The following DYNC1H1 variants were observed in gnomAD, a reference collection of about 807,000 sequenced individuals.
DYNC1H1 encodes cytoplasmic dynein 1 heavy chain 1.
In DYNC1H1, 51 loss-of-function variants were observed where a neutral mutation model predicts 527.1. The observed-to-expected ratio is 0.10, with a 90% CI of 0.08 to 0.12. The LOEUF is 0.12. DYNC1H1 is among the 10% of genes least tolerant of loss of function. The probability of loss-of-function intolerance (pLI) is 1.00; values close to 1 mark genes in which losing one functional copy is unlikely to be tolerated. For missense variants in DYNC1H1, 2,771 were observed against 5,971.8 expected, an observed-to-expected ratio of 0.46 and a Z score of 17.66; for synonymous variants, 2,189 against 2,278.8, an observed-to-expected ratio of 0.96 and a Z score of 1.12.
intron 76 of DYNC1H1, 39 bp from the exon 77 acceptor site, chr14:102,050,032 G>A (rs374484501): frequency 3.1e-6 from 5 of 1,614,218 alleles, no homozygotes; most frequent in South Asian, 1.1e-5. Context: ...TGTAGCTGTT[G>A]TGTTCACCTC....
rs1595597922 is a variant in DYNC1H1, at chr14:101,980,437, G to A, written c.848G>A (p.Arg283His). Residue 283 changes from arginine to histidine, a missense_variant, in exon 5 of 78, where the codon CGT (arginine) becomes CAT (histidine). Arg to His is a conservative substitution (Grantham distance 29). Around this residue, in one of 32 missense-constraint regions of DYNC1H1, gnomAD observed 146 missense variants for 288.1 expected, o/e 0.51. Coordinates refer to ENST00000360184, the MANE Select transcript of DYNC1H1 (RefSeq NM_001376.5). ...QEISFWLNLERALYRIQEKRE... is the reference protein window; with the variant it reads ...QEISFWLNLEHALYRIQEKRE... The stretch of plus-strand genomic sequence containing the variant: ...ATTAGTTTTTGGCTAAACTTGGAAC[G>A]TGCGTTATACCGCATCCAGGAGAAA... The A allele has an allele frequency of 1.9e-6, 3 of 1,614,204 alleles. No homozygotes were observed. Among genetic ancestry groups the A allele is most frequent in the Non-Finnish European group, 2.5e-6 (3 of 1,180,048 alleles).
rs982106276 is a variant in DYNC1H1 at position 101,983,319 on chromosome 14, C to A, written c.1233+29C>A. ...AGTTTGAATATATAAGACAACCAAC[C>A]TCAAGACATTGAGATGAAAATATGT... On this transcript the variant is annotated intron_variant, in intron 6 of 77. Coordinates refer to ENST00000360184, the MANE Select transcript of DYNC1H1 (RefSeq NM_001376.5). The surrounding 1 kb of genome is among the most constrained non-coding windows in gnomAD (Gnocchi z 5.3). 9 of 1,613,998 alleles carry A rather than the reference C, an allele frequency of 5.6e-6. No homozygotes were observed. The African/African-American group carries it at 9.3e-5, about 17-fold the overall frequency.
chr14:102,047,640 T>TAC (rs2048741791), intron 72 of DYNC1H1, 177 bp from the exon 73 acceptor site: 2 of 339,290 alleles, frequency 5.9e-6, no homozygotes, highest in Admixed American at 8.7e-5. Context: ...TGTGTGTGTG[T>TAC]GTATATATAT....
Position 101,975,701 on chromosome 14 carries a change from A to T in DYNC1H1, c.257-11A>T. On this transcript the variant is annotated splice_polypyrimidine_tract_variant and intron_variant, in intron 1 of 77. Coordinates refer to ENST00000360184, the MANE Select transcript of DYNC1H1 (RefSeq NM_001376.5). ...TTGATATTAATTTGATATATTTATT[A>T]TGATTTGTAGAGGACGTCGGTGATG... 1 of 1,605,956 alleles carries T rather than the reference A, an allele frequency of 6.2e-7. No individual in the cohort carries two copies. The highest frequency in any genetic ancestry group is 8.5e-7 in the Non-Finnish European group (1 of 1,172,768).
chr14:102,001,359 G>C lies in DYNC1H1; in HGVS notation c.4395+5G>C. 1 of 1,614,152 alleles carries C rather than the reference G, an allele frequency of 6.2e-7. No homozygotes were observed. The highest frequency in any genetic ancestry group is 8.5e-7 in the Non-Finnish European group (1 of 1,180,020). On this transcript the variant is annotated splice_donor_5th_base_variant and intron_variant, in intron 20 of 77. Transcript: ENST00000360184. The surrounding 1 kb of genome is among the most constrained non-coding windows in gnomAD (Gnocchi z 5.0). ...TTGGAAGAATTTTTGAAGCAGGCGAGTAATAGGACTGAACGGCTGCTTTAC... is the reference window on the plus strand; with the variant it reads ...TTGGAAGAATTTTTGAAGCAGGCGACTAATAGGACTGAACGGCTGCTTTAC...
In DYNC1H1 at chr14:102,016,565, G is replaced by A; in HGVS notation, c.7614+76G>A. ...ACTCATCCTGGAACAAGCTGACCAT[G>A]GACCTTGGCTTCGTCTTTTCATTTT... is the stretch of plus-strand genomic sequence containing the variant. On this transcript the variant is annotated intron_variant, in intron 37 of 77. Coordinates refer to ENST00000360184, the MANE Select transcript of DYNC1H1 (RefSeq NM_001376.5). This position sits in a 1 kb window ranked among gnomAD's most constrained non-coding sequence, Gnocchi z 7.3. 6.2e-7 allele frequency: 1 copy of A among 1,612,020 alleles called. No individual in the cohort carries two copies. Among genetic ancestry groups the A allele is most frequent in the African/African-American group, 1.3e-5 (1 of 75,002 alleles).
In DYNC1H1 at chr14:101,988,824, A is replaced by G; in HGVS notation, c.2840A>G (p.His947Arg). The G allele has an allele frequency of 6.2e-7, 1 of 1,614,224 alleles. No individual in the cohort carries two copies. The highest frequency in any genetic ancestry group is 8.5e-7 in the Non-Finnish European group (1 of 1,180,038). The change falls in exon 10 of 78, where the codon CAC becomes CGC. Residue 947 changes from histidine (H) to arginine (R), a missense_variant. Physicochemically the swap from His to Arg is conservative, Grantham distance 29 (BLOSUM62 0). Coordinates refer to ENST00000360184, the MANE Select transcript of DYNC1H1 (RefSeq NM_001376.5). ...DMDTDAPQVS[H>R]KPGGEPKIKN... ...GACACAGATGCTCCACAAGTTAGTC[A>G]CAAGCCTGGTGGAGAGCCAAAGATC...
At chr14:101,981,426 A>G (rs974284713) in intron 5 of DYNC1H1, among the ~76,000 whole-genome samples, 1 of 152,226 alleles carries the variant, frequency 6.6e-6, no homozygotes, top group Non-Finnish European at 1.5e-5. Flanking sequence ...CACAGTCATT[A>G]TTACAATTAT....
At chr14:102,023,333 T>C (rs2048409504) in intron 43 of DYNC1H1, 1 of 322,572 alleles carries the variant, frequency 3.1e-6, no homozygotes, top group Non-Finnish European at 6.0e-6. Flanking sequence ...GTGGATCACC[T>C]GAGGTCGGGA....
rs939061877 is a variant in DYNC1H1, at chr14:102,053,927, T to G, written c.*3364T>G. On this transcript the variant is annotated 3_prime_UTR_variant, in exon 78 of 78. Transcript: ENST00000360184. ...CTAATTTTTGTATTTTTTGTAGAGA[T>G]GGAGTTTCGCCATGTTGCCCAGGAT... 1.3e-5 allele frequency: 2 copies of G among 152,942 alleles called. No homozygotes were observed. The highest frequency in any genetic ancestry group is 4.8e-5 in the African/African-American group (2 of 41,358). The allele number at this position is 152,942 out of a possible 1,614,324, so 9.5% of individuals were successfully genotyped here. A position where few individuals can be genotyped will look rare whatever the true frequency, so the allele number is the denominator to read the frequency against.
chr14:102,025,565 GAAA>G (rs3067914), intron 43 of DYNC1H1, among the ~76,000 whole-genome samples: 11 of 102,308 alleles, frequency 1.1e-4, no homozygotes, highest in Non-Finnish European at 1.5e-4. Flanking sequence ...CTGTCTCAAG[GAAA>G]AAAAAAAAAA....
At chr14:102,028,253 T>G (rs2048472558) in intron 48 of DYNC1H1, 112 bp downstream of exon 48, 1 of 1,296,336 alleles carries the variant, frequency 7.7e-7, no homozygotes, top group Non-Finnish European at 1.1e-6. Flanking sequence ...GACTCATGCC[T>G]GTAATCCCAG....
intron 2 of DYNC1H1, among the ~76,000 whole-genome samples, chr14:101,976,372 GTC>G (rs958441476): frequency 6.6e-6 from 1 of 150,828 alleles, no homozygotes; most frequent in Non-Finnish European, 1.5e-5. Flanking sequence ...GAGAAACCCT[GTC>G]TCTACTAAAA....
Position 101,997,002 on chromosome 14 carries a change from G to A in DYNC1H1, c.3565-33G>A, listed in dbSNP as rs1567003975. ...AATAATTTCTATCATTGTTATAGAA[G>A]AAAAAACTTGATTTATTTTTTAACT... On this transcript the variant is annotated intron_variant, in intron 15 of 77. Coordinates refer to ENST00000360184, the MANE Select transcript of DYNC1H1 (RefSeq NM_001376.5). The surrounding 1 kb of genome is among the most constrained non-coding windows in gnomAD (Gnocchi z 4.8). 6.3e-7 allele frequency: 1 copy of A among 1,597,028 alleles called. No homozygotes were observed. Among genetic ancestry groups the A allele is most frequent in the Non-Finnish European group, 8.5e-7 (1 of 1,171,056 alleles).
At chr14:101,971,214 C>T (rs552331740) in intron 1 of DYNC1H1, among the ~76,000 whole-genome samples, 6 of 149,876 alleles carry the variant, frequency 4.0e-5, no homozygotes, top group African/African-American at 1.2e-4. Flanking sequence ...CCTCCCGCCA[C>T]AGACATGCAC....
chr14:101,968,051 A>G (rs990454596), intron 1 of DYNC1H1, among the ~76,000 whole-genome samples: 1 of 152,222 alleles, frequency 6.6e-6, no homozygotes, highest in Non-Finnish European at 1.5e-5. Context: ...TTACTTAACT[A>G]GCCATTTTAT....
At position 102,048,508 on chromosome 14, in the gene DYNC1H1, G is replaced by C. The variant is rs370812794; in HGVS notation, c.13219-8G>C. On this transcript the variant is annotated splice_polypyrimidine_tract_variant and splice_region_variant and intron_variant, in intron 73 of 77. Coordinates refer to ENST00000360184, the MANE Select transcript of DYNC1H1 (RefSeq NM_001376.5). ...CTAACTTCTCTTCACCCTTTTGAAC[G>C]ATTTTAGGATCCTTTGTTCAGGTTC... 2 of 1,614,152 alleles carry C rather than the reference G, an allele frequency of 1.2e-6. No individual in the cohort carries two copies. The highest frequency in any genetic ancestry group is 4.5e-5 in the East Asian group (2 of 44,874).
chr14:101,979,207 C>CA lies in DYNC1H1; in HGVS notation c.345-111dup, dbSNP rs1441642735. ...ATGTACTAAAGAAAGACAAGCAGTG[C>CA]ATTTCACTATTAGAAAAGCAACACT... On this transcript the variant is annotated intron_variant, in intron 2 of 77. Transcript: ENST00000360184. This position sits in a 1 kb window ranked among gnomAD's most constrained non-coding sequence, Gnocchi z 4.6. 1.9e-6 allele frequency: 2 copies of CA among 1,029,466 alleles called. No individual in the cohort carries two copies. Among genetic ancestry groups the CA allele is most frequent in the African/African-American group, 3.2e-5 (2 of 62,482 alleles). 63.8% of individuals were successfully genotyped at this position (1,029,466 alleles called of 1,614,324 possible).
chr14:102,023,019 T>C, intron 43 of DYNC1H1, 139 bp downstream of exon 43: 1 of 1,373,976 alleles, frequency 7.3e-7, no homozygotes, highest in Non-Finnish European at 1.0e-6. Context: ...TCCCAGCACT[T>C]TGGGAGGCTG....
Sources: allele counts gnomAD v4.1 joint callset (sites outside exome capture counted in the v4.1 genomes callset), GRCh38; gene constraint gnomAD v4.1.1; regional missense constraint gnomAD v4.1.1; non-coding constraint Gnocchi (gnomAD v3.1); transcripts MANE v1.5; gene names NCBI Gene and HGNC (gene_info 2026-07-23, HGNC 2026-07-21).